CPPED1: variants seen among roughly 807,000 people sequenced by gnomAD.
CPPED1 encodes serine/threonine-protein phosphatase CPPED1.
In CPPED1, 28 loss-of-function variants were observed where a neutral mutation model predicts 28.0. The ratio of observed to expected loss-of-function variants is 1.00; its 90% confidence interval spans 0.74 to 1.37. CPPED1 has a LOEUF of 1.37. Among genes scored for constraint, CPPED1 ranks in the 40% most tolerant of loss-of-function variants. The probability of loss-of-function intolerance (pLI) is 0.00; values close to 1 mark genes in which losing one functional copy is unlikely to be tolerated. For missense variants in CPPED1, 504 were observed against 416.5 expected (o/e 1.21, Z -1.83); for synonymous variants, 198 against 180.2 (o/e 1.10, Z -0.79).
chr16:12,781,079 T>C (rs1345558698), intron 2 of CPPED1, 106 bp downstream of exon 2: 2 of 910,694 alleles, frequency 2.2e-6, no homozygotes, highest in Non-Finnish European at 3.4e-6. Flanking sequence ...GAACGGTCCA[T>C]GACTGAGCAA....
rs1596454397 is a variant in CPPED1, at chr16:12,707,364, C to T, written c.290-2315G>A. Among the ~76,000 whole-genome samples the T allele has an allele frequency of 3.3e-5, 5 of 152,174 alleles. No homozygotes were observed. In the South Asian group the frequency reaches 8.3e-4, roughly 25 times the overall value. On this transcript the variant is annotated intron_variant, in intron 2 of 3. Coordinates refer to ENST00000381774, the MANE Select transcript of CPPED1 (RefSeq NM_018340.3). ...GTTCTCAGAGCTGTGTGTGCACCGACTTGCTTCCTCTGGACACCCAGTGGA... is the reference window on the plus strand; with the variant it reads ...GTTCTCAGAGCTGTGTGTGCACCGATTTGCTTCCTCTGGACACCCAGTGGA...
chr16:12,705,683 G>C (rs1290921853), intron 2 of CPPED1, among the ~76,000 whole-genome samples: 1 of 152,268 alleles, frequency 6.6e-6, no homozygotes, highest in East Asian at 1.9e-4. Flanking sequence ...GCTTGAACTC[G>C]GGAGGCAGAG....
At chr16:12,771,615 C>T (rs1032920583) in intron 2 of CPPED1, among the ~76,000 whole-genome samples, 7 of 152,172 alleles carry the variant, frequency 4.6e-5, no homozygotes, top group Non-Finnish European at 7.3e-5. Context: ...ATTATGCCTC[C>T]GAGGCTTTGC....
chr16:12,701,838 C>A (rs1483607972), intron 3 of CPPED1, among the ~76,000 whole-genome samples: 6 of 152,192 alleles, frequency 3.9e-5, no homozygotes, highest in Admixed American at 2.0e-4. Context: ...CATGAAATAA[C>A]CAAGTGCCTT....
intron 2 of CPPED1, among the ~76,000 whole-genome samples, chr16:12,751,237 C>T (rs1408058084): frequency 6.6e-6 from 1 of 152,084 alleles, no homozygotes; most frequent in Non-Finnish European, 1.5e-5. Context: ...TATCTAATAA[C>T]CCTTCTTTTT....
At chr16:12,752,047 T>C (rs2080333032) in intron 2 of CPPED1, among the ~76,000 whole-genome samples, 1 of 152,168 alleles carries the variant, frequency 6.6e-6, no homozygotes, top group Admixed American at 6.5e-5. Context: ...GGTCAAAGCA[T>C]TTCCCACTCT....
chr16:12,707,362 G>A (rs186594248), intron 2 of CPPED1, among the ~76,000 whole-genome samples: 24 of 152,206 alleles, frequency 1.6e-4, no homozygotes, highest in Admixed American at 4.6e-4. Context: ...TGTGTGCACC[G>A]ACTTGCTTCC....
intron 3 of CPPED1, among the ~76,000 whole-genome samples, chr16:12,679,560 T>G (rs1356205510): frequency 1.3e-5 from 2 of 152,208 alleles, no homozygotes; most frequent in Non-Finnish European, 2.9e-5. Context: ...AAGAAACATA[T>G]ATACATACAC....
chr16:12,719,823 C>G (rs946306584), intron 2 of CPPED1, among the ~76,000 whole-genome samples: 1 of 151,946 alleles, frequency 6.6e-6, no homozygotes, highest in Non-Finnish European at 1.5e-5. Context: ...TAAGTCCCAG[C>G]TACTCTGGAG....
intron 1 of CPPED1, among the ~76,000 whole-genome samples, chr16:12,796,856 C>T (rs1027382342): frequency 8.6e-5 from 13 of 152,004 alleles, no homozygotes; most frequent in Admixed American, 6.6e-4. Context: ...AAAAAAATGT[C>T]CAAATGTTTA....
In CPPED1 at chr16:12,781,336, G is replaced by C. The variant is rs2080530309; in HGVS notation, c.138C>G (p.Ile46Met). ...ILGADPQFGLIKAWSTGDCDN... is the reference protein window; with the variant it reads ...ILGADPQFGLMKAWSTGDCDN... ...CACAGTCCCCAGTGGACCAGGCCTTGATCAGCCCAAACTGTGGGTCTGCGC... is the reference window on the plus strand; with the variant it reads ...CACAGTCCCCAGTGGACCAGGCCTTCATCAGCCCAAACTGTGGGTCTGCGC... The change falls in exon 2 of 4, where the codon ATC becomes ATG. Residue 46 changes from isoleucine (I) to methionine (M), a missense_variant. Physicochemically the swap from Ile to Met is conservative, Grantham distance 10 (BLOSUM62 1). Transcript: ENST00000381774. 2 of 1,614,140 alleles carry C rather than the reference G, an allele frequency of 1.2e-6. No individual in the cohort carries two copies. Among genetic ancestry groups the C allele is most frequent in the East Asian group, 2.2e-5 (1 of 44,884 alleles).
At position 12,803,873 on chromosome 16, in the gene CPPED1, A is replaced by C; in HGVS notation, c.-97T>G. 2 of 1,136,160 alleles carry C rather than the reference A, an allele frequency of 1.8e-6. No individual in the cohort carries two copies. Among genetic ancestry groups the C allele is most frequent in the Non-Finnish European group, 1.2e-6 (1 of 822,776 alleles). 70.4% of individuals were successfully genotyped at this position (1,136,160 alleles called of 1,614,324 possible). On this transcript the variant is annotated 5_prime_UTR_variant, in exon 1 of 4. Coordinates refer to ENST00000381774, the MANE Select transcript of CPPED1 (RefSeq NM_018340.3). ...CGCTGGACCTGTCCCGCTTTGGGCGACGCCCTTTGATCTCGGGGCGGGACT... is the reference window on the plus strand; with the variant it reads ...CGCTGGACCTGTCCCGCTTTGGGCGCCGCCCTTTGATCTCGGGGCGGGACT...
At chr16:12,764,512 A>C (rs911818518) in intron 2 of CPPED1, among the ~76,000 whole-genome samples, 5 of 151,164 alleles carry the variant, frequency 3.3e-5, no homozygotes, top group African/African-American at 1.2e-4. Context: ...CAAATTTTTG[A>C]ATTTTTTTGT....
chr16:12,781,476 G>A (rs931734394), intron 1 of CPPED1, 73 bp from the exon 2 acceptor site: 5 of 1,333,886 alleles, frequency 3.7e-6, no homozygotes, highest in Non-Finnish European at 5.2e-6. Context: ...AGCTTCCCAT[G>A]CAAAGTGGAT....
intron 3 of CPPED1, among the ~76,000 whole-genome samples, chr16:12,681,098 T>A (rs569724093): frequency 4.2e-4 from 64 of 152,174 alleles, no homozygotes; most frequent in Non-Finnish European, 7.5e-4. Context: ...GAGATTTCTT[T>A]GCTTTAAGGA....
intron 2 of CPPED1, among the ~76,000 whole-genome samples, chr16:12,723,933 C>T (rs537852540): frequency 2.0e-5 from 3 of 152,262 alleles, no homozygotes; most frequent in African/African-American, 7.2e-5. Context: ...GATCCCTGAC[C>T]ACTCCCTTCC....
At chr16:12,774,304 C>T (rs1029143207) in intron 2 of CPPED1, among the ~76,000 whole-genome samples, 5 of 152,032 alleles carry the variant, frequency 3.3e-5, no homozygotes, top group Non-Finnish European at 7.4e-5. Flanking sequence ...CCCATCTCTA[C>T]TAAAATTACA....
At position 12,781,214 on chromosome 16, in the gene CPPED1, A is replaced by G; in HGVS notation, c.260T>C (p.Leu87Pro). 1 of 1,613,968 alleles carries G rather than the reference A, an allele frequency of 6.2e-7. No individual in the cohort carries two copies. Among genetic ancestry groups the G allele is most frequent in the Non-Finnish European group, 8.5e-7 (1 of 1,179,952 alleles). The change falls in exon 2 of 4, where the codon CTG (leucine) becomes CCG (proline). Residue 87 changes from leucine to proline, a missense_variant. Physicochemically the swap from Leu to Pro is moderately conservative, Grantham distance 98 (BLOSUM62 -3). Transcript: ENST00000381774. Reference protein sequence around the residue: ...KLNPKPKFFVLCGDLIHAMPG... With the variant: ...KLNPKPKFFVPCGDLIHAMPG... ...CATGGCGTGGATGAGGTCGCCGCAC[A>G]GAACGAAGAATTTGGGTTTGGGGTT...
At chr16:12,665,839 C>G (rs1314757110) in intron 3 of CPPED1, among the ~76,000 whole-genome samples, 1 of 152,128 alleles carries the variant, frequency 6.6e-6, no homozygotes, top group Non-Finnish European at 1.5e-5. Flanking sequence ...ACAGGAGAAT[C>G]ACGTGAACTC....
Sources: gnomAD v4.1 joint callset for allele counts (sites outside exome capture counted in the v4.1 genomes callset) on GRCh38, gnomAD v4.1.1 for gene constraint, MANE v1.5 for transcripts, NCBI Gene and HGNC (gene_info 2026-07-23, HGNC 2026-07-21) for gene names.